TEX15: variants seen among roughly 807,000 people sequenced by gnomAD.
The protein encoded by TEX15 is testis expressed 15, meiosis and synapsis associated, also known as testis-expressed protein 15.
In TEX15, 171 loss-of-function variants were observed where a neutral mutation model predicts 237.3. The observed-to-expected ratio is 0.72, with a 90% CI of 0.64 to 0.82. The LOEUF is 0.82. TEX15 is among the 40% of genes least tolerant of loss of function. The probability of loss-of-function intolerance (pLI) is 0.00; values close to 1 mark genes in which losing one functional copy is unlikely to be tolerated. For missense variants in TEX15, 3,750 were observed against 3,646.5 expected, an observed-to-expected ratio of 1.03 and a Z score of -0.73; for synonymous variants, 1,338 against 1,269.8, an observed-to-expected ratio of 1.05 and a Z score of -1.14.
In TEX15 at chr8:30,866,067, T is replaced by C. The variant is rs115337544; in HGVS notation, c.540+1198A>G. ...CCTAGTGTCATTAAAAAAACCCTCTTAGAACTGATAAATTCAGTAAAGTTG... is the reference window on the plus strand; with the variant it reads ...CCTAGTGTCATTAAAAAAACCCTCTCAGAACTGATAAATTCAGTAAAGTTG... On this transcript the variant is annotated intron_variant, in intron 5 of 10. Coordinates refer to ENST00000643185, the MANE Select transcript of TEX15 (RefSeq NM_001350162.2). Among the ~76,000 whole-genome samples the C allele has an allele frequency of 6.2e-3, 938 of 152,170 alleles. 11 individuals are homozygous for C. Among genetic ancestry groups the C allele is most frequent in the African/African-American group, 0.021 (882 of 41,530 alleles).
At chr8:30,855,033 G>A (rs1039090998) in intron 7 of TEX15, among the ~76,000 whole-genome samples, 9 of 152,078 alleles carry the variant, frequency 5.9e-5, no homozygotes, top group African/African-American at 2.2e-4. Context: ...GTAAAAGACT[G>A]GATGCCTTCC....
At chr8:30,904,524 T>A (rs1461038691) in intron 1 of TEX15, among the ~76,000 whole-genome samples, 1 of 151,982 alleles carries the variant, frequency 6.6e-6, no homozygotes, top group Admixed American at 6.6e-5. Context: ...TCATTTTGAT[T>A]AATGTAGGAA....
chr8:30,905,264 CAAA>C (rs34972353), intron 1 of TEX15, among the ~76,000 whole-genome samples: 52 of 104,218 alleles, frequency 5.0e-4, no homozygotes, highest in African/African-American at 1.3e-3. Flanking sequence ...AAAAAGACTT[CAAA>C]AAAAAAAAAA....
intron 3 of TEX15, among the ~76,000 whole-genome samples, chr8:30,879,475 A>AT (rs1368613188): frequency 6.6e-6 from 1 of 152,144 alleles, no homozygotes; most frequent in Non-Finnish European, 1.5e-5. Flanking sequence ...GGTGAAGTTC[A>AT]TTTTTTTGGT....
At position 30,834,433 on chromosome 8, in the gene TEX15, G is replaced by C. The variant is rs190629968; in HGVS notation, c.9482-1110C>G. Among the ~76,000 whole-genome samples, 5 of 152,264 alleles carry C rather than the reference G, an allele frequency of 3.3e-5. No individual in the cohort carries two copies. In the East Asian group the frequency reaches 9.7e-4, roughly 29 times the overall value. ...GTGATCTGCCTGCCTTGGCCTCCCA[G>C]AGTGCTGGGATTACAGGCATGAGCT... On this transcript the variant is annotated intron_variant, in intron 10 of 10. Transcript: ENST00000643185.
chr8:30,832,257 A>G lies in TEX15; in HGVS notation c.*1029T>C, dbSNP rs1269012620. On this transcript the variant is annotated 3_prime_UTR_variant, in exon 11 of 11. Coordinates refer to ENST00000643185, the MANE Select transcript of TEX15 (RefSeq NM_001350162.2). ...CATAAAAAGTTTGCAAAAGCACTGA[A>G]GCTTTGCTAGTTATTTGTTGTGATT... is the stretch of plus-strand genomic sequence containing the variant. 1.3e-5 allele frequency: 2 copies of G among 152,262 alleles called. No homozygotes were observed. Among genetic ancestry groups the G allele is most frequent in the African/African-American group, 2.4e-5 (1 of 41,476 alleles). 9.4% of individuals were successfully genotyped at this position (152,262 alleles called of 1,614,324 possible). A position where few individuals can be genotyped will look rare whatever the true frequency, so the allele number is the denominator to read the frequency against.
intron 7 of TEX15, among the ~76,000 whole-genome samples, chr8:30,856,228 A>C (rs954624735): frequency 6.6e-6 from 1 of 151,920 alleles, no homozygotes; most frequent in African/African-American, 2.4e-5. Context: ...TTACAGGCAT[A>C]AGCCATGGTG....
At chr8:30,902,115 A>T (rs1454054357) in intron 1 of TEX15, among the ~76,000 whole-genome samples, 1 of 152,182 alleles carries the variant, frequency 6.6e-6, no homozygotes, top group Admixed American at 6.5e-5. Context: ...TGGTTTGACA[A>T]GTTCTCCAGG....
intron 5 of TEX15, among the ~76,000 whole-genome samples, chr8:30,863,550 G>C (rs1213776702): frequency 3.9e-5 from 6 of 152,114 alleles, no homozygotes; most frequent in Admixed American, 2.6e-4. Flanking sequence ...AGGCATTGCT[G>C]CATCAATACC....
chr8:30,912,385 C>G (rs1378145422), intron 1 of TEX15, among the ~76,000 whole-genome samples: 3 of 151,818 alleles, frequency 2.0e-5, no homozygotes, highest in Non-Finnish European at 2.9e-5. Context: ...CGAAGATCCC[C>G]ACGCGCCCTG....
intron 3 of TEX15, among the ~76,000 whole-genome samples, chr8:30,885,568 T>C (rs1352309021): frequency 6.6e-6 from 1 of 152,188 alleles, no homozygotes; most frequent in Non-Finnish European, 1.5e-5. Flanking sequence ...GATTAATACA[T>C]GGTCTGAGAG....
chr8:30,857,474 C>T (rs374770985), intron 7 of TEX15, among the ~76,000 whole-genome samples: 2 of 152,064 alleles, frequency 1.3e-5, no homozygotes, highest in South Asian at 2.1e-4. Context: ...AATGAGAATA[C>T]GAAGACACAA....
At chr8:30,870,004 A>T (rs1808258030) in intron 4 of TEX15, among the ~76,000 whole-genome samples, 1 of 152,018 alleles carries the variant, frequency 6.6e-6, no homozygotes, top group African/African-American at 2.4e-5. Context: ...AATACTAATG[A>T]GGGATAGATG....
intron 1 of TEX15, among the ~76,000 whole-genome samples, chr8:30,904,618 C>G (rs1809062791): frequency 6.6e-6 from 1 of 152,112 alleles, no homozygotes; most frequent in African/African-American, 2.4e-5. Flanking sequence ...AACTTTTCCT[C>G]CCCCTGTGAG....
chr8:30,849,538 T>C (rs74899836), intron 7 of TEX15, among the ~76,000 whole-genome samples: 16,014 of 151,922 alleles, frequency 0.11, 1,327 homozygotes, highest in African/African-American at 0.23. Context: ...CTAGAAACCT[T>C]AATAAAGAGT....
chr8:30,838,114 A>T (rs1164547759), intron 9 of TEX15, 53 bp from the exon 10 acceptor site: 1 of 1,425,642 alleles, frequency 7.0e-7, no homozygotes, highest in East Asian at 2.4e-5. Context: ...AGGGTCATAA[A>T]ATTTTAATGG....
intron 1 of TEX15, among the ~76,000 whole-genome samples, chr8:30,905,280 A>C (rs543966942): frequency 3.0e-4 from 44 of 149,008 alleles, no homozygotes; most frequent in Non-Finnish European, 2.4e-4. Flanking sequence ...AAAAAAAAAA[A>C]CTGTAGGCAA....
intron 10 of TEX15, among the ~76,000 whole-genome samples, chr8:30,834,626 C>T (rs1807251159): frequency 6.6e-6 from 1 of 152,154 alleles, no homozygotes; most frequent in Non-Finnish European, 1.5e-5. Flanking sequence ...GAAAAGCACA[C>T]AAAAAGTACT....
At chr8:30,838,534 C>T (rs926669447) in intron 9 of TEX15, among the ~76,000 whole-genome samples, 2 of 151,634 alleles carry the variant, frequency 1.3e-5, no homozygotes, top group African/African-American at 4.8e-5. Context: ...GTCTGTTCAT[C>T]TTTGAGAATA....
Sources: allele counts gnomAD v4.1 joint callset (sites outside exome capture counted in the v4.1 genomes callset), GRCh38; gene constraint gnomAD v4.1.1; transcripts MANE v1.5; gene names NCBI Gene and HGNC (gene_info 2026-07-23, HGNC 2026-07-21).